DLG1: variants seen among roughly 807,000 people sequenced by gnomAD.
DLG1 encodes discs large MAGUK scaffold protein 1, also known as disks large homolog 1.
A neutral mutation model predicts 123.4 loss-of-function variants in DLG1; 42 were observed. The ratio of observed to expected loss-of-function variants is 0.34; its 90% CI spans 0.27 to 0.44. The LOEUF is 0.44. Among genes scored for constraint, DLG1 ranks in the 20% least tolerant of loss-of-function variants. The pLI is 1.00. For synonymous variants in DLG1, 317 were observed against 356.2 expected (o/e 0.89, Z 1.24); for missense variants, 942 against 1,082.6 (o/e 0.87, Z 1.82).
At position 197,061,084 on chromosome 3, in the gene DLG1, G is replaced by A. The variant is rs146425073; in HGVS notation, c.2374-1086C>T. ...CTCCCAAAGTGCTGGGATTATAGGCGTGAGCCACCATGCTCAGCCCCATAA... is the reference window on the plus strand; with the variant it reads ...CTCCCAAAGTGCTGGGATTATAGGCATGAGCCACCATGCTCAGCCCCATAA... On this transcript the variant is annotated intron_variant, in intron 22 of 24. Coordinates refer to ENST00000667157, the MANE Select transcript of DLG1 (RefSeq NM_001366207.1). Among the ~76,000 whole-genome samples, 24 of 152,294 alleles carry A rather than the reference G, an allele frequency of 1.6e-4. No individual in the cohort carries two copies. In the East Asian group the frequency reaches 2.9e-3, roughly 18 times the overall value.
At chr3:197,051,702 A>G in intron 23 of DLG1, 34 bp from the exon 24 acceptor site, 1 of 1,486,926 alleles carries the variant, frequency 6.7e-7, no homozygotes. Flanking sequence ...GATAATTACC[A>G]AATTATAATA....
chr3:197,200,959 A>G (rs777664708), intron 4 of DLG1, among the ~76,000 whole-genome samples: 3 of 152,240 alleles, frequency 2.0e-5, no homozygotes, highest in Non-Finnish European at 4.4e-5. Flanking sequence ...ACTCTTATTC[A>G]ACGCGATACC....
intron 5 of DLG1, among the ~76,000 whole-genome samples, chr3:197,181,262 T>C (rs552878353): frequency 3.9e-4 from 59 of 152,324 alleles, no homozygotes; most frequent in African/African-American, 1.3e-3. Context: ...AACTCTCCAA[T>C]CTGCAAAAAG....
intron 5 of DLG1, among the ~76,000 whole-genome samples, chr3:197,162,608 A>T (rs1290127828): frequency 2.0e-5 from 3 of 152,214 alleles, no homozygotes; most frequent in African/African-American, 7.2e-5. Context: ...AAGATTTATT[A>T]ACAATGTATG....
chr3:197,243,062 T>C (rs1749767382), intron 4 of DLG1, among the ~76,000 whole-genome samples: 1 of 152,174 alleles, frequency 6.6e-6, no homozygotes, highest in Non-Finnish European at 1.5e-5. Flanking sequence ...CCTGCGTTAG[T>C]TACGATCGCA....
intron 4 of DLG1, among the ~76,000 whole-genome samples, chr3:197,218,991 A>G (rs113767973): frequency 0.13 from 19,157 of 152,080 alleles, 1,271 homozygotes; most frequent in Middle Eastern, 0.15. Flanking sequence ...TTAGCCAGGC[A>G]TGGTGGTGCA....
intron 4 of DLG1, among the ~76,000 whole-genome samples, chr3:197,229,691 C>T (rs1191568474): frequency 6.6e-6 from 1 of 152,200 alleles, no homozygotes; most frequent in East Asian, 1.9e-4. Flanking sequence ...CTATTTCTCT[C>T]ATTAACAAGT....
chr3:197,250,977 C>T (rs1325972122), intron 4 of DLG1, among the ~76,000 whole-genome samples: 6 of 111,106 alleles, frequency 5.4e-5, no homozygotes, highest in African/African-American at 2.0e-4. Flanking sequence ...AGCAAGACTC[C>T]ATCAAAAAAA....
intron 4 of DLG1, among the ~76,000 whole-genome samples, chr3:197,261,930 G>A (rs1038250551): frequency 4.6e-5 from 7 of 152,092 alleles, no homozygotes; most frequent in Non-Finnish European, 8.8e-5. Flanking sequence ...GGTCAATAGT[G>A]GCAATAAATA....
chr3:197,156,794 T>C (rs1048908050), intron 5 of DLG1, among the ~76,000 whole-genome samples: 2 of 152,110 alleles, frequency 1.3e-5, no homozygotes, highest in African/African-American at 4.8e-5. Flanking sequence ...CATCAAAATG[T>C]TAAGTAGCAA....
chr3:197,228,472 G>A (rs1309190861), intron 4 of DLG1, among the ~76,000 whole-genome samples: 3 of 152,132 alleles, frequency 2.0e-5, no homozygotes, highest in African/African-American at 4.8e-5. Context: ...ATAATATTGT[G>A]CTATGATCAT....
At chr3:197,219,079 C>T (rs1326296695) in intron 4 of DLG1, among the ~76,000 whole-genome samples, 5 of 151,178 alleles carry the variant, frequency 3.3e-5, no homozygotes, top group South Asian at 2.1e-4. Context: ...TGCGGTGGGC[C>T]GAGATGCGCC....
At chr3:197,274,434 C>T (rs112359194) in intron 4 of DLG1, among the ~76,000 whole-genome samples, 1 of 151,930 alleles carries the variant, frequency 6.6e-6, no homozygotes, top group Admixed American at 6.5e-5. Flanking sequence ...AATATGAAAA[C>T]GTAACAAAAA....
At chr3:197,055,576 C>T (rs1164083908) in intron 23 of DLG1, among the ~76,000 whole-genome samples, 1 of 151,980 alleles carries the variant, frequency 6.6e-6, no homozygotes, top group Non-Finnish European at 1.5e-5. Flanking sequence ...GAGGTGTAAA[C>T]TTAGGGTCTT....
At chr3:197,292,266 C>T (rs184404497) in intron 3 of DLG1, among the ~76,000 whole-genome samples, 3 of 152,276 alleles carry the variant, frequency 2.0e-5, no homozygotes, top group African/African-American at 7.2e-5. Context: ...ATACATACAA[C>T]GGAATATTAT....
chr3:197,091,023 T>C lies in DLG1; in HGVS notation c.1550A>G (p.Tyr517Cys). ...TIVAQYRPEE[Y>C]SRFEAKIHDL... Reference sequence around the variant, plus strand: ...ATGTATTTTAGCTTCAAAACGACTGTATTCTGATGGAAGAAAAAGAGAAAT... The same window carrying C: ...ATGTATTTTAGCTTCAAAACGACTGCATTCTGATGGAAGAAAAAGAGAAAT... The change falls in exon 15 of 25, where the codon TAC (tyrosine) becomes TGC (cysteine). Residue 517 changes from tyrosine to cysteine, a missense_variant. Tyr to Cys is a radical substitution (Grantham distance 194). Transcript: ENST00000667157. The C allele has an allele frequency of 6.3e-7, 1 of 1,578,208 alleles. No individual in the cohort carries two copies. The highest frequency in any genetic ancestry group is 8.7e-7 in the Non-Finnish European group (1 of 1,150,102).
chr3:197,241,292 C>T (rs147157791), intron 4 of DLG1, among the ~76,000 whole-genome samples: 2,503 of 152,060 alleles, frequency 0.016, 29 homozygotes, highest in South Asian at 0.032. Flanking sequence ...CCAGGAATAT[C>T]CTTGTCCAGC....
chr3:197,098,745 T>C (rs1761975757), intron 14 of DLG1, among the ~76,000 whole-genome samples: 1 of 152,198 alleles, frequency 6.6e-6, no homozygotes, highest in Admixed American at 6.5e-5. Context: ...TTGGCCAGGC[T>C]GGTCTTGAAC....
rs574706643 is a variant in DLG1 at position 197,164,807 on chromosome 3, A to G, written c.484-15011T>C. ...TGCGGTGGTGCATGCCTGTAGTCCC[A>G]GCTACTCGGGAGGGTGAGTCAGGAG... On this transcript the variant is annotated intron_variant, in intron 5 of 24. Coordinates refer to ENST00000667157, the MANE Select transcript of DLG1 (RefSeq NM_001366207.1). Among the ~76,000 whole-genome samples, 36 of 152,034 alleles carry G rather than the reference A, an allele frequency of 2.4e-4. No individual in the cohort carries two copies. In the East Asian group the frequency reaches 6.6e-3, roughly 28 times the overall value.
Sources: allele counts gnomAD v4.1 joint callset (sites outside exome capture counted in the v4.1 genomes callset), GRCh38; gene constraint gnomAD v4.1.1; transcripts MANE v1.5; gene names NCBI Gene and HGNC (gene_info 2026-07-23, HGNC 2026-07-21).